The following TDRD9 variants were observed in gnomAD, a reference collection of about 807,000 sequenced individuals.
TDRD9 encodes tudor domain containing 9.
Under a neutral mutation model 172.6 loss-of-function variants are expected in TDRD9, and 124 were observed. The ratio of observed to expected loss-of-function variants is 0.72; its 90% CI spans 0.62 to 0.83. The LOEUF (loss-of-function observed/expected upper bound fraction) is 0.83. TDRD9 is among the 40% of genes least tolerant of loss of function. The probability of loss-of-function intolerance (pLI) is 0.00; values close to 1 mark genes in which losing one functional copy is unlikely to be tolerated. For missense variants in TDRD9, 1,479 were observed against 1,714.1 expected, an observed-to-expected ratio of 0.86 and a Z score of 2.42; for synonymous variants, 619 against 617.1, an observed-to-expected ratio of 1.00 and a Z score of -0.05.
chr14:103,974,404 A>G (rs2033154238), intron 6 of TDRD9, among the ~76,000 whole-genome samples: 1 of 152,026 alleles, frequency 6.6e-6, no homozygotes, highest in Non-Finnish European at 1.5e-5. Flanking sequence ...CCTGTCATTC[A>G]TGGCTGAGTT....
intron 34 of TDRD9, among the ~76,000 whole-genome samples, chr14:104,049,149 T>C (rs1421878387): frequency 1.5e-5 from 2 of 134,160 alleles, no homozygotes; most frequent in Admixed American, 1.5e-4. Context: ...TGTGTGTGTA[T>C]GTATGTATGT....
At chr14:103,977,837 T>C (rs2033317372) in intron 7 of TDRD9, among the ~76,000 whole-genome samples, 2 of 152,136 alleles carry the variant, frequency 1.3e-5, no homozygotes, top group African/African-American at 2.4e-5. Flanking sequence ...TTTGAGTTGA[T>C]TTTTGTGTAT....
At chr14:103,998,539 A>G in intron 12 of TDRD9, 85 bp from the exon 13 acceptor site, 1 of 809,952 alleles carries the variant, frequency 1.2e-6, no homozygotes, top group South Asian at 1.6e-5. Flanking sequence ...CATGTTTCAA[A>G]TGGCTTTATC....
chr14:103,966,725 T>A lies in TDRD9; in HGVS notation c.659T>A (p.Ile220Lys). 6.5e-7 allele frequency: 1 copy of A among 1,546,838 alleles called. No individual in the cohort carries two copies. The highest frequency in any genetic ancestry group is 8.7e-7 in the Non-Finnish European group (1 of 1,144,542). ...CAATTTTAGGTAGGGCTAGAGAAAATAGCAACAGAGGACACCAGGCTAATT... is the reference window on the plus strand; with the variant it reads ...CAATTTTAGGTAGGGCTAGAGAAAAAAGCAACAGAGGACACCAGGCTAATT... ...VVGYQVGLEK[I>K]ATEDTRLIYM... The change falls in exon 5 of 36, where the codon ATA (isoleucine) becomes AAA (lysine). Residue 220 changes from isoleucine to lysine, a missense_variant. Around this residue, in one of 3 missense-constraint regions of TDRD9, gnomAD observed 1,413 missense variants for 1,649.1 expected, o/e 0.86. Transcript: ENST00000409874.
intron 21 of TDRD9, 22 bp from the exon 22 acceptor site, chr14:104,015,959 T>A: frequency 6.6e-7 from 1 of 1,522,588 alleles, no homozygotes; most frequent in South Asian, 1.2e-5. Context: ...TGTTACTTCA[T>A]GAAAATAAAT....
chr14:104,048,620 A>G (rs1028003411), intron 34 of TDRD9, among the ~76,000 whole-genome samples: 2 of 151,552 alleles, frequency 1.3e-5, no homozygotes, highest in Admixed American at 6.6e-5. Flanking sequence ...CCTGGCCTCT[A>G]TTTTTCTCAG....
At chr14:104,029,367 T>C (rs896165479) in intron 28 of TDRD9, among the ~76,000 whole-genome samples, 1 of 152,230 alleles carries the variant, frequency 6.6e-6, no homozygotes, top group African/African-American at 2.4e-5. Context: ...ATTGATATTT[T>C]GTAGTTTTCA....
chr14:103,971,903 C>G (rs1242700919), intron 6 of TDRD9, among the ~76,000 whole-genome samples: 1 of 152,166 alleles, frequency 6.6e-6, no homozygotes, highest in Non-Finnish European at 1.5e-5. Context: ...CGCCTGTAAT[C>G]CCAGCAGTTT....
Position 104,049,632 on chromosome 14 carries a change from G to A in TDRD9, c.3999G>A (p.Arg1333=), listed in dbSNP as rs761148656. The A allele has an allele frequency of 1.6e-5, 25 of 1,584,838 alleles. No individual in the cohort carries two copies. Among genetic ancestry groups the A allele is most frequent in the Non-Finnish European group, 2.0e-5 (23 of 1,165,604 alleles). The change falls in exon 35 of 36, where the codon AGG becomes AGA. Residue 1333 remains arginine (R), a synonymous_variant. Transcript: ENST00000409874. ...GTTTGTTCTGTCAGTCAAAACCAAG[G>A]GAGAAGATTGTTCCCAAGTGGCATG... The part of the protein sequence containing the change: ...LLGLFCQSKP[R]EKIVPKWHEK...
intron 31 of TDRD9, 57 bp downstream of exon 31, chr14:104,034,126 A>AG (rs1363509278): frequency 1.9e-6 from 2 of 1,039,076 alleles, no homozygotes; most frequent in Non-Finnish European, 2.9e-6. Context: ...CCTTGACTTC[A>AG]GCTACTAGGA....
At chr14:104,015,351 G>A (rs572868885) in intron 21 of TDRD9, among the ~76,000 whole-genome samples, 1 of 152,292 alleles carries the variant, frequency 6.6e-6, no homozygotes, top group Non-Finnish European at 1.5e-5. Context: ...TTCCTAGAAG[G>A]GTTGGCTGAT....
intron 34 of TDRD9, among the ~76,000 whole-genome samples, chr14:104,044,437 G>A (rs567894752): frequency 1.3e-5 from 2 of 152,294 alleles, no homozygotes; most frequent in Admixed American, 1.3e-4. Flanking sequence ...CTGTGTTGAG[G>A]ATCGAAAGTT....
At chr14:104,050,056 C>T (rs1459605906) in intron 35 of TDRD9, 4 of 173,866 alleles carry the variant, frequency 2.3e-5, no homozygotes, top group African/African-American at 9.5e-5. Flanking sequence ...TTGTCTTTGT[C>T]TGCTTGAGCT....
intron 34 of TDRD9, among the ~76,000 whole-genome samples, chr14:104,047,873 T>A (rs1190280730): frequency 6.6e-6 from 1 of 152,246 alleles, no homozygotes; most frequent in Admixed American, 6.5e-5. Flanking sequence ...TGGTAGTTTT[T>A]AATTTTTATT....
At position 103,991,438 on chromosome 14, in the gene TDRD9, G is replaced by A. The variant is rs188658066; in HGVS notation, c.1180+214G>A. 2.7e-3 allele frequency among the ~76,000 whole-genome samples: 409 copies of A among 151,648 alleles called. 3 individuals carry two copies. Among genetic ancestry groups the A allele is most frequent in the South Asian group, 5.4e-3 (26 of 4,794 alleles). On this transcript the variant is annotated intron_variant, in intron 9 of 35. Transcript: ENST00000409874. ...CTTTTCCTTTTCCTTTTTCTAGATGGAGTCTTGCTCTGTTGCTAGGCTGGA... is the reference window on the plus strand; with the variant it reads ...CTTTTCCTTTTCCTTTTTCTAGATGAAGTCTTGCTCTGTTGCTAGGCTGGA...
At chr14:103,936,158 T>C (rs1347307378) in intron 1 of TDRD9, among the ~76,000 whole-genome samples, 1 of 152,190 alleles carries the variant, frequency 6.6e-6, no homozygotes, top group Non-Finnish European at 1.5e-5. Flanking sequence ...AACGTTTCAC[T>C]GCAGCCTTGA....
chr14:103,938,441 T>TTA (rs2030951954), intron 1 of TDRD9, among the ~76,000 whole-genome samples: 1 of 63,318 alleles, frequency 1.6e-5, no homozygotes, highest in African/African-American at 7.0e-5. Flanking sequence ...TATATATATA[T>TTA]TTTTTTTTTT....
At chr14:103,981,594 G>T (rs1001827782) in intron 7 of TDRD9, among the ~76,000 whole-genome samples, 2 of 152,114 alleles carry the variant, frequency 1.3e-5, no homozygotes, top group Non-Finnish European at 2.9e-5. Flanking sequence ...CTTGTAATGG[G>T]GTTATGCCCT....
At chr14:103,947,333 T>G (rs112399207) in intron 1 of TDRD9, among the ~76,000 whole-genome samples, 1 of 151,814 alleles carries the variant, frequency 6.6e-6, no homozygotes, top group Admixed American at 6.6e-5. Context: ...GTTTTTTTGT[T>G]TTTTTTTGTT....
Sources: allele counts gnomAD v4.1 joint callset (sites outside exome capture counted in the v4.1 genomes callset), GRCh38; gene constraint gnomAD v4.1.1; regional missense constraint gnomAD v4.1.1; transcripts MANE v1.5; gene names NCBI Gene and HGNC (gene_info 2026-07-23, HGNC 2026-07-21).